MITF: variants seen among roughly 807,000 people sequenced by gnomAD.
The protein encoded by MITF is melanocyte inducing transcription factor.
MITF carries 17 observed loss-of-function variants against 60.5 expected under a neutral mutation model. The observed-to-expected ratio is 0.28, with a 90% CI of 0.19 to 0.42. The LOEUF (loss-of-function observed/expected upper bound fraction) is 0.42. MITF is among the 10% of genes least tolerant of loss of function. The probability of loss-of-function intolerance (pLI) is 1.00; values close to 1 mark genes in which losing one functional copy is unlikely to be tolerated. For synonymous variants in MITF, 260 were observed against 248.5 expected, an observed-to-expected ratio of 1.05 and a Z score of -0.43; for missense variants, 622 against 683.5, an observed-to-expected ratio of 0.91 and a Z score of 1.00.
At chr3:69,926,666 TG>T (rs1186247958) in intron 2 of MITF, among the ~76,000 whole-genome samples, 2 of 151,880 alleles carry the variant, frequency 1.3e-5, no homozygotes, top group African/African-American at 4.8e-5. Flanking sequence ...GCTCCCATGG[TG>T]GGGGGGATCT....
At chr3:69,944,049 G>T (rs1221975473) in intron 5 of MITF, among the ~76,000 whole-genome samples, 1 of 152,108 alleles carries the variant, frequency 6.6e-6, no homozygotes, top group African/African-American at 2.4e-5. Flanking sequence ...AATCATGATC[G>T]TGCCACTGTC....
At chr3:69,948,194 A>G (rs1258814823) in intron 5 of MITF, among the ~76,000 whole-genome samples, 3 of 152,132 alleles carry the variant, frequency 2.0e-5, no homozygotes, top group Non-Finnish European at 4.4e-5. Flanking sequence ...CTCCATAGTT[A>G]CTATTTCAAA....
At chr3:69,744,013 G>C (rs1703630988) in intron 1 of MITF, among the ~76,000 whole-genome samples, 1 of 152,188 alleles carries the variant, frequency 6.6e-6, no homozygotes, top group Admixed American at 6.5e-5. Context: ...TTAGACAGCT[G>C]TTATTACATT....
intron 1 of MITF, among the ~76,000 whole-genome samples, chr3:69,826,824 A>G (rs1336763014): frequency 6.6e-6 from 1 of 152,158 alleles, no homozygotes; most frequent in African/African-American, 2.4e-5. Context: ...GTATCAGCCA[A>G]GCTTATTTTA....
intron 1 of MITF, among the ~76,000 whole-genome samples, chr3:69,860,672 C>T (rs1318645384): frequency 6.6e-6 from 1 of 150,930 alleles, no homozygotes; most frequent in East Asian, 1.9e-4. Context: ...ATATTTTTAT[C>T]CTCTGGACAG....
intron 4 of MITF, among the ~76,000 whole-genome samples, chr3:69,939,907 A>G (rs1198963307): frequency 1.3e-5 from 2 of 152,226 alleles, no homozygotes; most frequent in Non-Finnish European, 2.9e-5. Flanking sequence ...CTATTTGCAT[A>G]TTTACCAACT....
At chr3:69,754,115 G>A (rs1179995238) in intron 1 of MITF, among the ~76,000 whole-genome samples, 1 of 152,196 alleles carries the variant, frequency 6.6e-6, no homozygotes, top group African/African-American at 2.4e-5. Context: ...TTGGATCATG[G>A]AAGTGGTTTC....
intron 2 of MITF, among the ~76,000 whole-genome samples, 197 bp downstream of exon 2, chr3:69,879,580 A>C (rs2064436058): frequency 6.6e-6 from 1 of 152,266 alleles, no homozygotes; most frequent in Non-Finnish European, 1.5e-5. Context: ...TAATAGTAAC[A>C]ATCAGTAAAT....
intron 1 of MITF, among the ~76,000 whole-genome samples, chr3:69,810,336 T>G (rs1379411884): frequency 6.6e-6 from 1 of 152,164 alleles, no homozygotes; most frequent in Non-Finnish European, 1.5e-5. Context: ...TTAATTTTTT[T>G]TCCATTCATT....
At chr3:69,938,381 G>A (rs1428890798) in intron 3 of MITF, 2 of 1,565,480 alleles carry the variant, frequency 1.3e-6, no homozygotes. Flanking sequence ...GCAGAGAGAG[G>A]AGAAGGGGAG....
rs1323075294 is a variant in MITF at position 69,739,661 on chromosome 3, A to C, written c.64A>C (p.Lys22Gln). 4.4e-6 allele frequency: 7 copies of C among 1,582,954 alleles called. No individual in the cohort carries two copies. In the African/African-American group the frequency reaches 8.0e-5, roughly 18 times the overall value. ...EVGEEFHEEPKTYYELKSQPL... is the reference protein window; with the variant it reads ...EVGEEFHEEPQTYYELKSQPL... ...CGGGGAGGAGTTTCATGAAGAGCCC[A>C]AAACCTATTACGAACTCAAAAGTCA... The change falls in exon 1 of 10, where the codon AAA (lysine) becomes CAA (glutamine). Residue 22 changes from lysine (K) to glutamine (Q), a missense_variant. Lys to Gln is a moderately conservative substitution (Grantham distance 53). Transcript: ENST00000352241.
intron 1 of MITF, among the ~76,000 whole-genome samples, chr3:69,786,161 T>G (rs2062645864): frequency 6.6e-6 from 1 of 152,200 alleles, no homozygotes; most frequent in Non-Finnish European, 1.5e-5. Context: ...AAAGGAGGTT[T>G]GACTCCTAGA....
chr3:69,945,232 G>A (rs542891803), intron 5 of MITF, among the ~76,000 whole-genome samples: 1 of 152,276 alleles, frequency 6.6e-6, no homozygotes, highest in African/African-American at 2.4e-5. Context: ...TTTTGGTGGA[G>A]CACAACATTG....
chr3:69,953,658 T>TAGAG (rs1250946181), intron 7 of MITF, among the ~76,000 whole-genome samples: 3 of 137,626 alleles, frequency 2.2e-5, no homozygotes, highest in East Asian at 4.3e-4. Context: ...TATATATATA[T>TAGAG]ATATAGAGAG....
At chr3:69,952,863 A>G (rs1227801038) in intron 7 of MITF, among the ~76,000 whole-genome samples, 1 of 152,148 alleles carries the variant, frequency 6.6e-6, no homozygotes, top group Non-Finnish European at 1.5e-5. Flanking sequence ...ATCTAGATCT[A>G]TCTACTTTTT....
Position 69,967,620 on chromosome 3 carries a change from G to T in MITF, c.*2372G>T, listed in dbSNP as rs1576076837. On this transcript the variant is annotated 3_prime_UTR_variant, in exon 10 of 10. Coordinates refer to ENST00000352241, the MANE Select transcript of MITF (RefSeq NM_001354604.2). ...TGTCACAACTCCTAACCTTGCCATT[G>T]CCTGCCTCCCCCTCCCCTTCTCCTT... The T allele has an allele frequency of 4.3e-6, 1 of 233,376 alleles. No homozygotes were observed. The highest frequency in any genetic ancestry group is 1.8e-4 in the South Asian group (1 of 5,510). The allele number at this position is 233,376 out of a possible 1,614,324, so 14.5% of individuals were successfully genotyped here. A position where few individuals can be genotyped will look rare whatever the true frequency, so the allele number is the denominator to read the frequency against.
At position 69,928,947 on chromosome 3, in the gene MITF, G is replaced by A. The variant is rs557363795; in HGVS notation, c.355-8875G>A. 3.3e-5 allele frequency among the ~76,000 whole-genome samples: 5 copies of A among 152,278 alleles called. No individual in the cohort carries two copies. The East Asian group carries it at 7.7e-4, about 24-fold the overall frequency. ...TGCTAGATGAGAGCTGTAAGAATTG[G>A]CAATCTTTGGGCAGCCCCTGATAGA... On this transcript the variant is annotated intron_variant, in intron 2 of 9. Coordinates refer to ENST00000352241, the MANE Select transcript of MITF (RefSeq NM_001354604.2).
At chr3:69,812,035 G>A (rs56007401) in intron 1 of MITF, among the ~76,000 whole-genome samples, 24,936 of 152,080 alleles carry the variant, frequency 0.16, 2,208 homozygotes, top group South Asian at 0.21. Flanking sequence ...TCCTTCAGTG[G>A]GTTTCTGTCC....
intron 1 of MITF, among the ~76,000 whole-genome samples, chr3:69,837,711 T>G (rs968026499): frequency 7.9e-5 from 12 of 152,358 alleles, no homozygotes; most frequent in African/African-American, 2.9e-4. Flanking sequence ...TTACCTGACC[T>G]GAAGTGACAC....
Sources: gnomAD v4.1 joint callset for allele counts (sites outside exome capture counted in the v4.1 genomes callset) on GRCh38, gnomAD v4.1.1 for gene constraint, MANE v1.5 for transcripts, NCBI Gene and HGNC (gene_info 2026-07-23, HGNC 2026-07-21) for gene names.